GRIP1: variants seen among roughly 807,000 people sequenced by gnomAD.
The protein encoded by GRIP1 is glutamate receptor interacting protein 1.
GRIP1 carries 45 observed loss-of-function variants against 129.9 expected under a neutral mutation model. The ratio of observed to expected loss-of-function variants is 0.35; its 90% CI spans 0.27 to 0.44. The LOEUF is 0.44. Among genes scored for constraint, GRIP1 ranks in the 20% least tolerant of loss-of-function variants. GRIP1 has a pLI of 1.00. For missense variants in GRIP1, 1,196 were observed against 1,396.8 expected, an observed-to-expected ratio of 0.86 and a Z score of 2.29; for synonymous variants, 530 against 520.8, an observed-to-expected ratio of 1.02 and a Z score of -0.24.
chr12:66,475,552 T>A (rs2059579670), intron 7 of GRIP1, among the ~76,000 whole-genome samples: 1 of 152,186 alleles, frequency 6.6e-6, no homozygotes, highest in Non-Finnish European at 1.5e-5. Context: ...ACTGCACCTA[T>A]TCCAAAATTC....
intron 1 of GRIP1, among the ~76,000 whole-genome samples, chr12:66,717,993 A>C (rs2035944821): frequency 6.6e-6 from 1 of 152,132 alleles, no homozygotes. Context: ...AACAATGATC[A>C]AATCAGTGCT....
At chr12:66,797,522 T>C (rs560554352) in intron 1 of GRIP1, among the ~76,000 whole-genome samples, 22 of 152,260 alleles carry the variant, frequency 1.4e-4, no homozygotes, top group African/African-American at 5.3e-4. Context: ...AGTCACATAG[T>C]TTTTTAGTCC....
intron 13 of GRIP1, among the ~76,000 whole-genome samples, chr12:66,433,190 G>A (rs2058200792): frequency 6.6e-6 from 1 of 152,136 alleles, no homozygotes; most frequent in African/African-American, 2.4e-5. Flanking sequence ...GAGAGTGGGT[G>A]GAGAGGTGCC....
At chr12:66,924,839 G>A (rs1040950427) in intron 1 of GRIP1, among the ~76,000 whole-genome samples, 6 of 152,086 alleles carry the variant, frequency 3.9e-5, no homozygotes, top group Admixed American at 6.5e-5. Flanking sequence ...GTGTGGTGGC[G>A]GGTGCCTGTA....
At chr12:66,880,193 C>T (rs988103763) in intron 1 of GRIP1, among the ~76,000 whole-genome samples, 7 of 150,778 alleles carry the variant, frequency 4.6e-5, no homozygotes. Context: ...AGCAAAGGAC[C>T]GATGTGTTTA....
intron 2 of GRIP1, among the ~76,000 whole-genome samples, chr12:66,588,798 A>G (rs566776997): frequency 3.9e-4 from 59 of 151,654 alleles, no homozygotes; most frequent in Non-Finnish European, 6.3e-4. Context: ...ATGAAACCCC[A>G]TCTCTACTAA....
intron 1 of GRIP1, among the ~76,000 whole-genome samples, chr12:66,720,412 G>C (rs2036023387): frequency 6.6e-6 from 1 of 152,050 alleles, no homozygotes; most frequent in African/African-American, 2.4e-5. Flanking sequence ...GGTTGGGATG[G>C]TTGTGGCAAT....
intron 1 of GRIP1, among the ~76,000 whole-genome samples, chr12:66,611,067 TA>T (rs1483655516): frequency 6.6e-6 from 1 of 152,164 alleles, no homozygotes; most frequent in Non-Finnish European, 1.5e-5. Flanking sequence ...AAATAACACA[TA>T]ATGGCTATTA....
chr12:66,633,253 A>G (rs2031007831), intron 1 of GRIP1, among the ~76,000 whole-genome samples: 2 of 146,094 alleles, frequency 1.4e-5, no homozygotes, highest in South Asian at 2.1e-4. Context: ...TGTATTATAT[A>G]TAATATATAT....
intron 1 of GRIP1, among the ~76,000 whole-genome samples, chr12:66,962,693 G>A (rs962238121): frequency 6.6e-6 from 1 of 151,936 alleles, no homozygotes; most frequent in Non-Finnish European, 1.5e-5. Context: ...ATAAAGATCC[G>A]TCTCAAAACA....
intron 1 of GRIP1, among the ~76,000 whole-genome samples, chr12:66,944,017 G>T (rs955568735): frequency 6.6e-6 from 1 of 152,094 alleles, no homozygotes; most frequent in African/African-American, 2.4e-5. Flanking sequence ...ATCAATAATT[G>T]TAACTGCCAG....
At chr12:66,548,038 T>C (rs2062001516) in intron 2 of GRIP1, among the ~76,000 whole-genome samples, 1 of 152,188 alleles carries the variant, frequency 6.6e-6, no homozygotes, top group African/African-American at 2.4e-5. Context: ...ATTCAATTGG[T>C]CTGGAGTACG....
At chr12:66,629,249 T>C (rs927578194) in intron 1 of GRIP1, among the ~76,000 whole-genome samples, 5 of 152,212 alleles carry the variant, frequency 3.3e-5, no homozygotes, top group Non-Finnish European at 7.3e-5. Context: ...TGACAAGACA[T>C]ATTAAAATGA....
chr12:66,769,293 C>T (rs970765746), intron 1 of GRIP1, among the ~76,000 whole-genome samples: 1 of 151,728 alleles, frequency 6.6e-6, no homozygotes, highest in African/African-American at 2.4e-5. Context: ...ATCAGCATCC[C>T]CTGGAGGAAA....
At chr12:66,547,499 A>G (rs1193780084) in intron 2 of GRIP1, among the ~76,000 whole-genome samples, 1 of 152,218 alleles carries the variant, frequency 6.6e-6, no homozygotes, top group Non-Finnish European at 1.5e-5. Context: ...CCTTATTCAC[A>G]ATAGCAGGAA....
intron 19 of GRIP1, among the ~76,000 whole-genome samples, chr12:66,384,432 T>G (rs1465847919): frequency 6.6e-6 from 1 of 152,192 alleles, no homozygotes; most frequent in African/African-American, 2.4e-5. Context: ...TAGAGAATTG[T>G]GAGATATTCC....
At chr12:66,600,492 G>T (rs995419173) in intron 1 of GRIP1, among the ~76,000 whole-genome samples, 16 of 152,144 alleles carry the variant, frequency 1.1e-4, no homozygotes, top group Non-Finnish European at 1.8e-4. Context: ...AGCATTTATT[G>T]TAATCAAAGA....
intron 1 of GRIP1, among the ~76,000 whole-genome samples, chr12:66,687,178 G>T (rs553563771): frequency 6.6e-6 from 1 of 152,244 alleles, no homozygotes; most frequent in South Asian, 2.1e-4. Flanking sequence ...ATATTTTAAG[G>T]TATCCTATCG....
intron 1 of GRIP1, among the ~76,000 whole-genome samples, chr12:66,794,583 A>G (rs1235326097): frequency 6.6e-6 from 1 of 152,192 alleles, no homozygotes; most frequent in African/African-American, 2.4e-5. Flanking sequence ...TCACAGACTT[A>G]AATACTTACG....
Sources: gnomAD v4.1 joint callset for allele counts (sites outside exome capture counted in the v4.1 genomes callset) on GRCh38, gnomAD v4.1.1 for gene constraint, MANE v1.5 for transcripts, NCBI Gene and HGNC (gene_info 2026-07-23, HGNC 2026-07-21) for gene names.